TLN2: variants seen among roughly 807,000 people sequenced by gnomAD.
The protein encoded by TLN2 is talin-2.
In TLN2, 118 loss-of-function variants were observed where a neutral mutation model predicts 294.7. The ratio of observed to expected loss-of-function variants is 0.40; its 90% CI spans 0.34 to 0.47. The LOEUF (loss-of-function observed/expected upper bound fraction) is 0.47. Among genes scored for constraint, TLN2 ranks in the 20% least tolerant of loss-of-function variants. TLN2 has a pLI of 0.84. For missense variants in TLN2, 3,083 were observed against 3,282.2 expected, an observed-to-expected ratio of 0.94 and a Z score of 1.48; for synonymous variants, 1,431 against 1,304.5, an observed-to-expected ratio of 1.10 and a Z score of -2.09.
chr15:62,830,176 A>T (rs1309442136), intron 54 of TLN2: 1 of 152,194 alleles, frequency 6.6e-6, no homozygotes, highest in East Asian at 1.9e-4. Flanking sequence ...AGAAGCGAGG[A>T]TTCCGTTATC....
At chr15:62,716,228 C>T (rs2059764723) in intron 22 of TLN2, 103 bp from the exon 23 acceptor site, 5 of 1,273,084 alleles carry the variant, frequency 3.9e-6, no homozygotes, top group Admixed American at 3.7e-5. Context: ...ATTTGACTAT[C>T]CTTGCAAATG....
intron 2 of TLN2, among the ~76,000 whole-genome samples, chr15:62,609,821 G>A (rs188907744): frequency 6.6e-6 from 1 of 152,082 alleles, no homozygotes; most frequent in Non-Finnish European, 1.5e-5. Flanking sequence ...CCCATCCCTC[G>A]TGAAAATTTC....
chr15:62,700,731 G>A, intron 16 of TLN2, among the ~76,000 whole-genome samples: 1 of 152,212 alleles, frequency 6.6e-6, no homozygotes, highest in East Asian at 1.9e-4. Context: ...AAAGCAAGGT[G>A]AAAATTAGCA....
rs762894173 is a variant in TLN2 at position 62,673,902 on chromosome 15, G to A, written c.852+12G>A. The A allele has an allele frequency of 1.9e-6, 3 of 1,609,368 alleles. No homozygotes were observed. Among genetic ancestry groups the A allele is most frequent in the Non-Finnish European group, 2.6e-6 (3 of 1,176,284 alleles). On this transcript the variant is annotated intron_variant, in intron 10 of 58. Coordinates refer to ENST00000636159, the MANE Select transcript of TLN2 (RefSeq NM_015059.3). The stretch of plus-strand genomic sequence containing the variant: ...AGAGGATCTTTCAGGTATTGGAAAT[G>A]TACAGAACTTTATTATTCTCCTCAC...
At chr15:62,517,548 A>G (rs1464983033) in intron 1 of TLN2, among the ~76,000 whole-genome samples, 1 of 152,224 alleles carries the variant, frequency 6.6e-6, no homozygotes, top group Non-Finnish European at 1.5e-5. Flanking sequence ...AATGAACCTG[A>G]ATAATTATTC....
chr15:62,752,948 G>C (rs2062017229), intron 35 of TLN2, among the ~76,000 whole-genome samples: 1 of 152,054 alleles, frequency 6.6e-6, no homozygotes, highest in African/African-American at 2.4e-5. Flanking sequence ...CTACTTTAAA[G>C]CGTTCATCAT....
Position 62,655,987 on chromosome 15 carries a change from A to G in TLN2, c.561A>G (p.Val187=), listed in dbSNP as rs781145717. Residue 187 remains valine (V), a synonymous_variant, in exon 8 of 59, where the codon GTA becomes GTG. Coordinates refer to ENST00000636159, the MANE Select transcript of TLN2 (RefSeq NM_015059.3). ...GCCGAACATTCAGAGAACAAGGAGT[A>G]GATGAAAACGAAACGTTGCTGCTTA... The part of the protein sequence containing the change: ...DHSRTFREQG[V]DENETLLLRR... The G allele has an allele frequency of 1.9e-6, 3 of 1,614,232 alleles. No homozygotes were observed. The highest frequency in any genetic ancestry group is 1.7e-6 in the Non-Finnish European group (2 of 1,180,040).
chr15:62,521,592 G>A (rs1054281875), intron 1 of TLN2, among the ~76,000 whole-genome samples: 3 of 152,128 alleles, frequency 2.0e-5, no homozygotes, highest in African/African-American at 7.2e-5. Context: ...GATGAGGGGG[G>A]TTGTGAGGGT....
Position 62,809,942 on chromosome 15 carries a change from C to A in TLN2, c.6681C>A (p.Pro2227=). 1.2e-6 allele frequency: 2 copies of A among 1,613,986 alleles called. No homozygotes were observed. Among genetic ancestry groups the A allele is most frequent in the Non-Finnish European group, 1.7e-6 (2 of 1,180,008 alleles). The change falls in exon 52 of 59, where the codon CCC becomes CCA. Residue 2227 remains proline (P), a synonymous_variant. Transcript: ENST00000636159. ...LTACKQASFH[P]DVSDEVRTRA... ...CTCTCCAGCAAGCATCCTTCCACCC[C>A]GATGTCAGTGACGAGGTGAGAACCA...
chr15:62,548,148 G>A (rs2042097795), intron 1 of TLN2, among the ~76,000 whole-genome samples: 1 of 152,194 alleles, frequency 6.6e-6, no homozygotes, highest in Non-Finnish European at 1.5e-5. Context: ...GGTCCTGGAT[G>A]TCTGCCCTCG....
In TLN2 at chr15:62,500,983, C is replaced by A. The variant is rs187335352; in HGVS notation, c.-237-88704C>A. Among the ~76,000 whole-genome samples the A allele has an allele frequency of 3.3e-5, 5 of 152,328 alleles. No homozygotes were observed. In the East Asian group the frequency reaches 9.6e-4, roughly 29 times the overall value. ...TTGGTAACCTAAGGGGGCTTGAAGT[C>A]CCGCCAGGGCACTTCTGGTCCTCAC... On this transcript the variant is annotated intron_variant, in intron 1 of 58. Coordinates refer to ENST00000636159, the MANE Select transcript of TLN2 (RefSeq NM_015059.3).
intron 1 of TLN2, among the ~76,000 whole-genome samples, chr15:62,489,989 C>T (rs1213551778): frequency 6.6e-6 from 1 of 152,218 alleles, no homozygotes; most frequent in East Asian, 1.9e-4. Context: ...CTCTCAAATT[C>T]CTGACTCATG....
intron 1 of TLN2, among the ~76,000 whole-genome samples, chr15:62,440,368 A>G (rs917354681): frequency 6.6e-6 from 1 of 152,166 alleles, no homozygotes; most frequent in Non-Finnish European, 1.5e-5. Flanking sequence ...ATTCTTACAT[A>G]TCTTCCCCCT....
chr15:62,797,440 TC>T, intron 48 of TLN2, 38 bp downstream of exon 48: 1 of 1,543,278 alleles, frequency 6.5e-7, no homozygotes. Context: ...CTCCCGGTCT[TC>T]CCGTGAACGC....
chr15:62,553,879 C>T (rs2042459002), intron 1 of TLN2, among the ~76,000 whole-genome samples: 1 of 150,836 alleles, frequency 6.6e-6, no homozygotes, highest in Non-Finnish European at 1.5e-5. Context: ...TGTTTAATAG[C>T]TGTGGTTTAC....
At chr15:62,542,544 C>CG (rs1291557540) in intron 1 of TLN2, among the ~76,000 whole-genome samples, 1 of 152,106 alleles carries the variant, frequency 6.6e-6, no homozygotes, top group Non-Finnish European at 1.5e-5. Flanking sequence ...CTGCAGATAA[C>CG]GGGAAAATAC....
chr15:62,715,635 T>C (rs1331603206), intron 22 of TLN2, among the ~76,000 whole-genome samples: 1 of 152,250 alleles, frequency 6.6e-6, no homozygotes, highest in African/African-American at 2.4e-5. Context: ...GCTGTGGGGC[T>C]GGACAAAGAA....
At position 62,675,305 on chromosome 15, in the gene TLN2, C is replaced by T. The variant is rs1185047411; in HGVS notation, c.941C>T (p.Ser314Phe). ...CGGTCCCTCCGCACATATGGCGTGT[C>T]CTTCTTCCTGGTGAAGGTGAGTTGG... Reference protein sequence around the residue: ...LARSLRTYGVSFFLVKEKMKG... With the variant: ...LARSLRTYGVFFFLVKEKMKG... Residue 314 changes from serine (S) to phenylalanine (F), a missense_variant, in exon 11 of 59, where the codon TCC becomes TTC. By Grantham distance (155) the Ser-to-Phe change is radical. Transcript: ENST00000636159. 1.2e-6 allele frequency: 2 copies of T among 1,614,078 alleles called. No individual in the cohort carries two copies. Among genetic ancestry groups the T allele is most frequent in the Non-Finnish European group, 1.7e-6 (2 of 1,180,040 alleles).
In TLN2 at chr15:62,766,384, A is replaced by G; in HGVS notation, c.5158A>G (p.Thr1720Ala). Residue 1720 changes from threonine (T) to alanine (A), a missense_variant, in exon 41 of 59, where the codon ACA (threonine) becomes GCA (alanine). By Grantham distance (58) the Thr-to-Ala change is moderately conservative. Transcript: ENST00000636159. ...EIGHLIDPIA[T>A]AARGEAAQLG... ...CGGACACCTTATCGATCCCATCGCC[A>G]CAGCGGCTCGGGGAGAAGCAGCTCA... is the stretch of plus-strand genomic sequence containing the variant. 1 of 1,612,730 alleles carries G rather than the reference A, an allele frequency of 6.2e-7. No homozygotes were observed. Among genetic ancestry groups the G allele is most frequent in the Non-Finnish European group, 8.5e-7 (1 of 1,178,798 alleles).
Sources: gnomAD v4.1 joint callset for allele counts (sites outside exome capture counted in the v4.1 genomes callset) on GRCh38, gnomAD v4.1.1 for gene constraint, MANE v1.5 for transcripts, NCBI Gene and HGNC (gene_info 2026-07-23, HGNC 2026-07-21) for gene names.